Variants in LMF1 observed in about 807,000 individuals in gnomAD.
LMF1 encodes transmembrane protein 112.
Under a neutral mutation model 60.6 loss-of-function variants are expected in LMF1, and 68 were observed. The ratio of observed to expected loss-of-function variants is 1.12; its 90% CI spans 0.92 to 1.37. The LOEUF (loss-of-function observed/expected upper bound fraction) is 1.37. Ranked by LOEUF, LMF1 falls within the 40% of genes most tolerant of loss-of-function variation. The pLI, the probability that LMF1 is intolerant of heterozygous loss-of-function variation, is 0.00. For missense variants in LMF1, 948 were observed against 767.2 expected (o/e 1.24, Z -2.78); for synonymous variants, 418 against 324.7 (o/e 1.29, Z -3.09).
At chr16:856,154 T>C (rs958919411) in intron 10 of LMF1, 2 of 363,678 alleles carry the variant, frequency 5.5e-6, no homozygotes, top group African/African-American at 4.3e-5. Context: ...TGGCAGTTGG[T>C]GGCTCCCGTC....
At chr16:935,965 C>T (rs1353817769) in intron 2 of LMF1, among the ~76,000 whole-genome samples, 1 of 152,244 alleles carries the variant, frequency 6.6e-6, no homozygotes, top group African/African-American at 2.4e-5. Flanking sequence ...TGTGTGGCTG[C>T]CCCAGTGGCT....
chr16:977,047 C>T (rs1190981133), intron 1 of LMF1: 4 of 454,056 alleles, frequency 8.8e-6, no homozygotes, highest in South Asian at 6.2e-5. Context: ...CAGACGTAAG[C>T]TGCAGCAGGG....
intron 6 of LMF1, among the ~76,000 whole-genome samples, chr16:876,588 C>A (rs988818564): frequency 3.0e-4 from 45 of 152,274 alleles, no homozygotes; most frequent in African/African-American, 1.1e-3. Context: ...CACAGTTTTT[C>A]CGAAAATCTA....
At chr16:865,108 T>C (rs967277846) in intron 10 of LMF1, among the ~76,000 whole-genome samples, 12 of 152,208 alleles carry the variant, frequency 7.9e-5, no homozygotes, top group Non-Finnish European at 1.2e-4. Context: ...TATCTCTTAG[T>C]ATAGGTTGTT....
At chr16:934,359 T>TG in intron 2 of LMF1, 105 bp from the exon 3 acceptor site, 1 of 1,461,494 alleles carries the variant, frequency 6.8e-7, no homozygotes, top group Non-Finnish European at 9.4e-7. Flanking sequence ...CAGCACGGTG[T>TG]GGGGTCAGGG....
intron 1 of LMF1, among the ~76,000 whole-genome samples, chr16:967,780 G>A (rs1839230151): frequency 6.6e-6 from 1 of 152,204 alleles, no homozygotes; most frequent in Admixed American, 6.5e-5. Flanking sequence ...ATGAAGGGCA[G>A]GGCTGAACTC....
chr16:922,449 C>T (rs2071457988), intron 3 of LMF1, among the ~76,000 whole-genome samples: 1 of 152,224 alleles, frequency 6.6e-6, no homozygotes, highest in African/African-American at 2.4e-5. Flanking sequence ...CACGGGCGTC[C>T]ACCTAACGTG....
At chr16:879,809 TCCCTGGCC>T in intron 5 of LMF1, 72 bp from the exon 6 acceptor site, 1 of 1,450,574 alleles carries the variant, frequency 6.9e-7, no homozygotes, top group Non-Finnish European at 9.4e-7. Context: ...GGCTTGTGGG[TCCCTGGCC>T]CCCTGACCCC....
intron 5 of LMF1, among the ~76,000 whole-genome samples, chr16:885,525 C>T (rs980278181): frequency 3.3e-5 from 5 of 152,062 alleles, no homozygotes; most frequent in Non-Finnish European, 4.4e-5. Flanking sequence ...CACACACAGG[C>T]GGAAAGGTAA....
intron 3 of LMF1, among the ~76,000 whole-genome samples, chr16:919,938 C>T (rs1403987869): frequency 2.0e-5 from 3 of 152,180 alleles, no homozygotes; most frequent in Non-Finnish European, 1.5e-5. Context: ...CTTCCGGCCT[C>T]GGTCAAGACT....
intron 3 of LMF1, among the ~76,000 whole-genome samples, chr16:920,644 G>A (rs1282848480): frequency 6.6e-6 from 1 of 152,222 alleles, no homozygotes; most frequent in Non-Finnish European, 1.5e-5. Flanking sequence ...CATGTCCGTG[G>A]AGCCACAGGA....
intron 3 of LMF1, among the ~76,000 whole-genome samples, chr16:918,257 C>T (rs71380208): frequency 0.01 from 1,584 of 152,308 alleles, 15 homozygotes; most frequent in Non-Finnish European, 0.017. Flanking sequence ...GTGACCCCTG[C>T]GCCCGGCCGC....
chr16:963,667 C>T (rs55678651), intron 1 of LMF1, among the ~76,000 whole-genome samples: 30,730 of 151,804 alleles, frequency 0.2, 3,485 homozygotes, highest in South Asian at 0.31. Context: ...ACCTAATTGG[C>T]GCTAGCTGAA....
chr16:859,977 T>G (rs2069405053), intron 10 of LMF1, among the ~76,000 whole-genome samples: 1 of 150,654 alleles, frequency 6.6e-6, no homozygotes, highest in South Asian at 2.1e-4. Flanking sequence ...CGGATGGGTG[T>G]GCAGTGGTGT....
At chr16:970,692 G>T in intron 1 of LMF1, 96 bp downstream of exon 1, 1 of 1,170,074 alleles carries the variant, frequency 8.5e-7, no homozygotes, top group Non-Finnish European at 1.2e-6. Flanking sequence ...GGGGCGCCGC[G>T]GCCGCGAGAC....
At chr16:875,389 C>G (rs1018190482) in intron 6 of LMF1, among the ~76,000 whole-genome samples, 9 of 152,260 alleles carry the variant, frequency 5.9e-5, no homozygotes, top group Admixed American at 5.9e-4. Flanking sequence ...ACCCCCTGGC[C>G]AGGTTCCTGC....
Position 954,472 on chromosome 16 carries a change from C to T in LMF1, c.388G>A (p.Ala130Thr), listed in dbSNP as rs746539422. The T allele has an allele frequency of 6.2e-7, 1 of 1,612,634 alleles. No homozygotes were observed. The highest frequency in any genetic ancestry group is 1.1e-5 in the South Asian group (1 of 90,848). The change falls in exon 2 of 11, where the codon GCT (alanine) becomes ACT (threonine). Residue 130 changes from alanine to threonine, a missense_variant. Physicochemically the swap from Ala to Thr is moderately conservative, Grantham distance 58. Transcript: ENST00000262301. The stretch of plus-strand genomic sequence containing the variant: ...GACGAGATGCCCAGTCCGAGAAGAG[C>T]CAGCAAGTCCAGGTTGGAGTTCATG... ...SDMNSNLDLL[A>T]LLGLGISSFV...
intron 1 of LMF1, among the ~76,000 whole-genome samples, 185 bp from the exon 2 acceptor site, chr16:954,851 A>G (rs1356664361): frequency 2.0e-5 from 3 of 152,264 alleles, no homozygotes; most frequent in South Asian, 2.1e-4. Flanking sequence ...GAAACACTGG[A>G]AAAGCCAACC....
intron 10 of LMF1, chr16:855,789 T>A (rs1433654155): frequency 8.8e-6 from 4 of 455,872 alleles, no homozygotes; most frequent in Non-Finnish European, 1.8e-5. Context: ...CAGGGCCCGG[T>A]AGCGACTGTC....
Sources: gnomAD v4.1 joint callset for allele counts (sites outside exome capture counted in the v4.1 genomes callset) on GRCh38, gnomAD v4.1.1 for gene constraint, MANE v1.5 for transcripts, NCBI Gene and HGNC (gene_info 2026-07-23, HGNC 2026-07-21) for gene names.